The following CACNB4 variants were observed in gnomAD, a reference collection of about 807,000 sequenced individuals.
CACNB4 encodes the protein calcium voltage-gated channel auxiliary subunit beta 4.
A neutral mutation model predicts 71.2 loss-of-function variants in CACNB4; 32 were observed. That is an observed-to-expected ratio of 0.45 (90% CI 0.34 to 0.60). CACNB4 has a LOEUF of 0.60. CACNB4 is among the 20% of genes least tolerant of loss of function. The pLI, the probability that CACNB4 is intolerant of heterozygous loss-of-function variation, is 0.01. For missense variants in CACNB4, 464 were observed against 647.9 expected, an observed-to-expected ratio of 0.72 and a Z score of 3.08; for synonymous variants, 231 against 236.9, an observed-to-expected ratio of 0.97 and a Z score of 0.23.
intron 2 of CACNB4, among the ~76,000 whole-genome samples, chr2:151,934,720 C>G (rs2099862502): frequency 6.6e-6 from 1 of 152,060 alleles, no homozygotes; most frequent in East Asian, 1.9e-4. Flanking sequence ...ACCTGTAGTC[C>G]CAGCTACTTG....
chr2:151,976,646 C>A (rs1242726624), intron 2 of CACNB4, among the ~76,000 whole-genome samples: 1 of 152,180 alleles, frequency 6.6e-6, no homozygotes, highest in Non-Finnish European at 1.5e-5. Context: ...TCGGGCTGAT[C>A]CCAGAGTTCC....
At chr2:151,927,681 G>A (rs534691797) in intron 2 of CACNB4, among the ~76,000 whole-genome samples, 2 of 152,344 alleles carry the variant, frequency 1.3e-5, no homozygotes, top group Non-Finnish European at 2.9e-5. Flanking sequence ...GTGAGTCAGC[G>A]CAATTGCGTG....
intron 12 of CACNB4, among the ~76,000 whole-genome samples, chr2:151,849,106 A>G (rs2099838368): frequency 1.3e-5 from 2 of 152,098 alleles, no homozygotes; most frequent in South Asian, 2.1e-4. Context: ...CAACGAGAGG[A>G]AAGTCCTTCC....
At chr2:151,988,132 T>C (rs1681474401) in intron 2 of CACNB4, among the ~76,000 whole-genome samples, 1 of 152,224 alleles carries the variant, frequency 6.6e-6, no homozygotes, top group African/African-American at 2.4e-5. Context: ...GGGAAGTTGT[T>C]ACAAGTGATT....
intron 2 of CACNB4, among the ~76,000 whole-genome samples, chr2:151,982,294 G>A (rs1465242455): frequency 1.3e-5 from 2 of 151,996 alleles, no homozygotes; most frequent in African/African-American, 2.4e-5. Context: ...CAATACAATA[G>A]GAGTGAAAGT....
rs566223053 is a variant in CACNB4 at position 151,948,654 on chromosome 2, C to T, written c.148-65284G>A. Among the ~76,000 whole-genome samples the T allele has an allele frequency of 1.3e-3, 191 of 144,972 alleles. 1 individual carries two copies. The highest frequency in any genetic ancestry group is 4.9e-3 in the African/African-American group (184 of 37,792). ...CCAGCCTGGGCAACAGAGTGAGATC[C>T]TGTCAAAAAAAAAAAGAAAAAAAGT... On this transcript the variant is annotated intron_variant, in intron 2 of 13. Coordinates refer to ENST00000539935, the MANE Select transcript of CACNB4 (RefSeq NM_000726.5).
chr2:151,959,429 A>T (rs1291979250), intron 2 of CACNB4, among the ~76,000 whole-genome samples: 2 of 152,164 alleles, frequency 1.3e-5, no homozygotes, highest in East Asian at 3.8e-4. Context: ...CCTCCTCAAG[A>T]CATCTTACAA....
chr2:151,872,396 G>C, intron 6 of CACNB4, 21 bp downstream of exon 6: 1 of 1,411,534 alleles, frequency 7.1e-7, no homozygotes. Flanking sequence ...GTATGAAAAA[G>C]AGTTTAACTA....
At chr2:152,084,279 C>A (rs1687526119) in intron 2 of CACNB4, among the ~76,000 whole-genome samples, 1 of 152,122 alleles carries the variant, frequency 6.6e-6, no homozygotes, top group Non-Finnish European at 1.5e-5. Context: ...CACAGAGTGA[C>A]CCAGAGTTGC....
At chr2:152,086,485 T>TGC (rs1687668144) in intron 2 of CACNB4, among the ~76,000 whole-genome samples, 2 of 152,082 alleles carry the variant, frequency 1.3e-5, no homozygotes, top group Non-Finnish European at 2.9e-5. Context: ...ACATAGAGAG[T>TGC]ACAGTTTTAT....
rs1681965058 is a variant in CACNB4, at chr2:151,995,088, CA to C, written c.147+103241del. Among the ~76,000 whole-genome samples the C allele has an allele frequency of 2.0e-5, 3 of 152,280 alleles. No homozygotes were observed. In the South Asian group the frequency reaches 6.2e-4, roughly 32 times the overall value. On this transcript the variant is annotated intron_variant, in intron 2 of 13. Coordinates refer to ENST00000539935, the MANE Select transcript of CACNB4 (RefSeq NM_000726.5). ...TCTCAGAAGTATATGCTCAACAAGA[CA>C]TATTCCAAATTATTACTGGCCTACT...
rs1316757962 is a variant in CACNB4 at position 152,087,752 on chromosome 2, G to A, written c.147+10578C>T. ...AAAATAGCCAGGCATGATGGTGCAC[G>A]CCTGCAGTCCCAGCTACTTGGGAGA... On this transcript the variant is annotated intron_variant, in intron 2 of 13. Coordinates refer to ENST00000539935, the MANE Select transcript of CACNB4 (RefSeq NM_000726.5). Among the ~76,000 whole-genome samples, 7 of 152,130 alleles carry A rather than the reference G, an allele frequency of 4.6e-5. No individual in the cohort carries two copies. In the East Asian group the frequency reaches 1.2e-3, roughly 25 times the overall value.
At chr2:151,911,025 A>G (rs1373065346) in intron 2 of CACNB4, among the ~76,000 whole-genome samples, 1 of 152,092 alleles carries the variant, frequency 6.6e-6, no homozygotes, top group Non-Finnish European at 1.5e-5. Flanking sequence ...ATCCCTTGTC[A>G]GCTGTATTCC....
At chr2:151,985,976 A>G (rs1273916445) in intron 2 of CACNB4, among the ~76,000 whole-genome samples, 1 of 152,220 alleles carries the variant, frequency 6.6e-6, no homozygotes, top group Non-Finnish European at 1.5e-5. Flanking sequence ...TAAAAATTCC[A>G]AAGTCGTTCT....
intron 2 of CACNB4, among the ~76,000 whole-genome samples, chr2:151,954,818 T>C (rs2099867771): frequency 6.6e-6 from 1 of 150,830 alleles, no homozygotes; most frequent in Non-Finnish European, 1.5e-5. Context: ...CTAAATAGAA[T>C]GCCTTTCAGC....
chr2:151,985,592 G>C (rs1681311455), intron 2 of CACNB4, among the ~76,000 whole-genome samples: 1 of 151,726 alleles, frequency 6.6e-6, no homozygotes, highest in African/African-American at 2.4e-5. Flanking sequence ...CCAACAATAC[G>C]ACAAACAGGG....
intron 2 of CACNB4, among the ~76,000 whole-genome samples, chr2:151,907,646 G>T (rs1028634997): frequency 6.6e-6 from 1 of 152,142 alleles, no homozygotes; most frequent in Admixed American, 6.5e-5. Context: ...ATTGTATTTA[G>T]TGTGTGTTTT....
rs546311927 is a variant in CACNB4, at chr2:152,041,596, G to A, written c.147+56734C>T. Among the ~76,000 whole-genome samples the A allele has an allele frequency of 3.3e-5, 5 of 152,158 alleles. No individual in the cohort carries two copies. The East Asian group carries it at 9.6e-4, about 29-fold the overall frequency. On this transcript the variant is annotated intron_variant, in intron 2 of 13. Coordinates refer to ENST00000539935, the MANE Select transcript of CACNB4 (RefSeq NM_000726.5). ...GTTCTGAGTTTTGATAGGAGACTGG[G>A]GCACAGAAACTGCAGGAAGAAAGAA...
intron 2 of CACNB4, among the ~76,000 whole-genome samples, chr2:152,084,941 C>T (rs1687572278): frequency 6.6e-6 from 1 of 152,002 alleles, no homozygotes; most frequent in Admixed American, 6.6e-5. Flanking sequence ...TACCCACAGG[C>T]TAGTGGGACA....
Sources: allele counts gnomAD v4.1 joint callset (sites outside exome capture counted in the v4.1 genomes callset), GRCh38; gene constraint gnomAD v4.1.1; transcripts MANE v1.5; gene names NCBI Gene and HGNC (gene_info 2026-07-23, HGNC 2026-07-21).